Variants in ERICH1 observed in about 807,000 individuals in gnomAD.
ERICH1 encodes the protein glutamate-rich protein 1.
Under a neutral mutation model 39.6 loss-of-function variants are expected in ERICH1, and 56 were observed. The observed-to-expected ratio is 1.41, with a 90% CI of 1.14 to 1.77. The LOEUF is 1.77. Ranked by LOEUF, ERICH1 falls within the 40% of genes most tolerant of loss-of-function variation. ERICH1 has a pLI of 0.00. For synonymous variants in ERICH1, 313 were observed against 223.6 expected (o/e 1.40, Z -3.57); for missense variants, 826 against 575.4 (o/e 1.44, Z -4.45).
At chr8:651,694 G>C (rs768757459) in intron 3 of ERICH1, among the ~76,000 whole-genome samples, 15 of 141,502 alleles carry the variant, frequency 1.1e-4, no homozygotes, top group Non-Finnish European at 2.2e-4. Context: ...GAAGACTGAG[G>C]GGAGAGAGAG....
chr8:615,522 C>T, intron 3 of ERICH1: 1 of 435,386 alleles, frequency 2.3e-6, no homozygotes. Context: ...AAAGGGAAGG[C>T]TCAGACAATG....
At chr8:697,558 C>A (rs566592533) in intron 2 of ERICH1, among the ~76,000 whole-genome samples, 11 of 152,170 alleles carry the variant, frequency 7.2e-5, no homozygotes, top group Middle Eastern at 3.2e-3. Context: ...CCTGTCAAAT[C>A]GTCCCCTCAC....
chr8:684,955 C>G (rs772692893), intron 3 of ERICH1, among the ~76,000 whole-genome samples: 1 of 152,190 alleles, frequency 6.6e-6, no homozygotes, highest in Non-Finnish European at 1.5e-5. Flanking sequence ...ACTAGAATTG[C>G]TGATGAAGTT....
At chr8:673,198 T>C (rs1803835893) in intron 4 of ERICH1, 91 bp downstream of exon 4, 2 of 1,391,144 alleles carry the variant, frequency 1.4e-6, no homozygotes, top group Non-Finnish European at 1.9e-6. Context: ...ATTTTTAAAG[T>C]ATGTTTTAAC....
intron 3 of ERICH1, among the ~76,000 whole-genome samples, chr8:684,160 T>A (rs2131981045): frequency 6.6e-6 from 1 of 152,336 alleles, no homozygotes; most frequent in Non-Finnish European, 1.5e-5. Context: ...AAAAATTTTA[T>A]AAGCAATAAA....
At chr8:660,640 T>C (rs1801291000), downstream of ERICH1, among the ~76,000 whole-genome samples, 1 of 152,380 alleles carries the variant, frequency 6.6e-6, no homozygotes, top group South Asian at 2.1e-4. Flanking sequence ...TCATTTGTTA[T>C]GCAGAAGAAG....
At chr8:688,278 C>CCG (rs1808014045) in intron 3 of ERICH1, among the ~76,000 whole-genome samples, 1 of 131,150 alleles carries the variant, frequency 7.6e-6, no homozygotes, top group African/African-American at 3.2e-5. Flanking sequence ...TCCGCCCGTC[C>CCG]CCGCCCCGCC....
intron 5 of ERICH1, chr8:668,389 T>C (rs964897655): frequency 8.3e-6 from 5 of 599,774 alleles, no homozygotes; most frequent in African/African-American, 7.4e-5. Flanking sequence ...AGACTGCACA[T>C]GCATTTCTGC....
chr8:691,107 G>A (rs1196761063), intron 3 of ERICH1: 6 of 152,166 alleles, frequency 3.9e-5, no homozygotes, highest in African/African-American at 1.4e-4. Context: ...CTTTCATTTT[G>A]AAGAACAAAG....
chr8:703,985 A>G (rs1812724796), intron 2 of ERICH1, among the ~76,000 whole-genome samples: 1 of 152,226 alleles, frequency 6.6e-6, no homozygotes, highest in Non-Finnish European at 1.5e-5. Flanking sequence ...GGCCAGAAGC[A>G]GAACCTCAAA....
intron 3 of ERICH1, among the ~76,000 whole-genome samples, chr8:687,284 G>A (rs533741261): frequency 7.2e-4 from 110 of 152,290 alleles, no homozygotes; most frequent in African/African-American, 2.6e-3. Context: ...TAGGAACCGG[G>A]GAAACACTAA....
intron 2 of ERICH1, among the ~76,000 whole-genome samples, chr8:701,669 G>A (rs1036874075): frequency 3.3e-5 from 5 of 152,192 alleles, no homozygotes; most frequent in East Asian, 3.8e-4. Context: ...GCAAAAAAGC[G>A]TAAAATATCT....
intron 3 of ERICH1, among the ~76,000 whole-genome samples, chr8:637,900 C>T (rs1798574178): frequency 6.6e-6 from 1 of 152,258 alleles, no homozygotes; most frequent in African/African-American, 2.4e-5. Context: ...CTGGCCACTG[C>T]AGGCAGCCGA....
At chr8:656,592 G>C (rs556837970) in intron 3 of ERICH1, among the ~76,000 whole-genome samples, 1 of 152,168 alleles carries the variant, frequency 6.6e-6, no homozygotes, top group Non-Finnish European at 1.5e-5. Context: ...GATCTTGTTC[G>C]CATTGAGGCT....
intron 3 of ERICH1, among the ~76,000 whole-genome samples, chr8:677,638 A>C (rs1429077793): frequency 7.2e-5 from 11 of 152,238 alleles, no homozygotes; most frequent in Non-Finnish European, 1.3e-4. Flanking sequence ...ACTGATGTTT[A>C]AAACCAACCA....
At chr8:668,853 T>C (rs1205130295) in intron 4 of ERICH1, 61 bp from the exon 5 acceptor site, 1 of 1,465,728 alleles carries the variant, frequency 6.8e-7, no homozygotes, top group East Asian at 2.3e-5. Context: ...AAACTAAAGA[T>C]AAGCTTTCCT....
intron 3 of ERICH1, among the ~76,000 whole-genome samples, chr8:687,281 C>T (rs565999411): frequency 6.6e-6 from 1 of 152,134 alleles, no homozygotes; most frequent in Non-Finnish European, 1.5e-5. Context: ...GATTAGGAAC[C>T]GGGGAAACAC....
chr8:668,657 T>A lies in ERICH1; in HGVS notation c.1199A>T (p.Asp400Val), dbSNP rs1802667732. 1.9e-6 allele frequency: 3 copies of A among 1,614,208 alleles called. No individual in the cohort carries two copies. The highest frequency in any genetic ancestry group is 2.5e-6 in the Non-Finnish European group (3 of 1,180,038). The stretch of plus-strand genomic sequence containing the variant: ...CAGAGCATGCTTCAATCTCTCAGTA[T>A]CTTGCAGGAGCAGCAGCGTTTTCAT... ...YHMKTLLLLQ[D>V]TERLKHALEM... Residue 400 changes from aspartate to valine, a missense_variant, in exon 5 of 6, where the codon GAT becomes GTT. Transcript: ENST00000262109.
chr8:624,598 G>A (rs1329357152), intron 3 of ERICH1, among the ~76,000 whole-genome samples: 3 of 152,168 alleles, frequency 2.0e-5, no homozygotes, highest in African/African-American at 4.8e-5. Flanking sequence ...TGGCTGGGGA[G>A]GTCTCAGGAA....
Sources: allele counts gnomAD v4.1 joint callset (sites outside exome capture counted in the v4.1 genomes callset), GRCh38; gene constraint gnomAD v4.1.1; transcripts MANE v1.5; gene names NCBI Gene and HGNC (gene_info 2026-07-23, HGNC 2026-07-21).